FBXO34: variants seen among roughly 807,000 people sequenced by gnomAD.
FBXO34 encodes the protein F-box protein 34, also known as F-box only protein 34.
FBXO34 carries 12 observed loss-of-function variants against 24.5 expected under a neutral mutation model. The ratio of observed to expected loss-of-function variants is 0.49; its 90% CI spans 0.31 to 0.79. The LOEUF is 0.79. Among genes scored for constraint, FBXO34 ranks in the 30% least tolerant of loss-of-function variants. The pLI is 0.04. For missense variants in FBXO34, 823 were observed against 857.7 expected (o/e 0.96, Z 0.51); for synonymous variants, 320 against 311.9 (o/e 1.03, Z -0.27).
chr14:55,299,400 G>C (rs1432915286), intron 1 of FBXO34, among the ~76,000 whole-genome samples: 23 of 124,470 alleles, frequency 1.8e-4, no homozygotes, highest in Non-Finnish European at 2.9e-4. Flanking sequence ...GTGGGGGCGG[G>C]TAGAGGGGGG....
At chr14:55,367,955 G>A (rs1171800364) in exon 3 of FBXO34, 3 of 152,522 alleles carry the variant, frequency 2.0e-5, no homozygotes, top group Non-Finnish European at 4.4e-5. Flanking sequence ...TTATTATGAT[G>A]AGAAAAGAAG....
At chr14:55,432,748 T>C in the FBXO34 span, among the ~76,000 whole-genome samples, 1 of 152,178 alleles carries the variant, frequency 6.6e-6, no homozygotes, top group Non-Finnish European at 1.5e-5. Flanking sequence ...TTGGCACAAC[T>C]TTTCAGGAGG....
chr14:55,435,039 A>C, the FBXO34 span, among the ~76,000 whole-genome samples: 1 of 152,312 alleles, frequency 6.6e-6, no homozygotes, highest in African/African-American at 2.4e-5. Flanking sequence ...CCTTGGCAGG[A>C]TACAAGAAAG....
rs755217620 is a variant in FBXO34 at position 55,293,600 on chromosome 14, C to CTT, written c.-11+22075_-11+22076dup. Among the ~76,000 whole-genome samples the CTT allele has an allele frequency of 4.6e-4, 67 of 144,982 alleles. 1 individual carries two copies. Among genetic ancestry groups the CTT allele is most frequent in the African/African-American group, 1.7e-3 (67 of 39,946 alleles). On this transcript the variant is annotated intron_variant, in intron 1 of 1. Coordinates refer to ENST00000313833, the MANE Select transcript of FBXO34 (RefSeq NM_017943.4). ...GAGGTAAGATTTCTGTAAATCTCTGCTTTTTTTTTTTTTAAATCAATGAAG... is the reference window on the plus strand; with the variant it reads ...GAGGTAAGATTTCTGTAAATCTCTGCTTTTTTTTTTTTTTTAAATCAATGAAG...
At chr14:55,292,997 C>T (rs1032068174) in intron 1 of FBXO34, among the ~76,000 whole-genome samples, 2 of 152,198 alleles carry the variant, frequency 1.3e-5, no homozygotes, top group African/African-American at 4.8e-5. Context: ...GTTCTCCTCC[C>T]TCAGCCTCTC....
chr14:55,430,684 A>G, the FBXO34 span, among the ~76,000 whole-genome samples: 1 of 152,186 alleles, frequency 6.6e-6, no homozygotes, highest in Non-Finnish European at 1.5e-5. Flanking sequence ...GGTGTGAGCC[A>G]CTGCACATGG....
the FBXO34 span, chr14:55,437,010 A>AAAAC: frequency 6.2e-7 from 1 of 1,613,798 alleles, no homozygotes; most frequent in Non-Finnish European, 8.5e-7. Context: ...TGGGTGGGGC[A>AAAAC]AGGCCATCCT....
the FBXO34 span, chr14:55,429,019 C>T: frequency 6.2e-7 from 1 of 1,600,472 alleles, no homozygotes; most frequent in Non-Finnish European, 8.5e-7. Context: ...ATCGCTACAT[C>T]CTCTCAACTA....
rs10144418 is a variant in FBXO34 at position 55,350,990 on chromosome 14, T to C, written c.600T>C (p.Tyr200=). The change falls in exon 2 of 2, where the codon TAT becomes TAC. Residue 200 remains tyrosine (Y), a synonymous_variant. Transcript: ENST00000313833. ...HYVSDSGDGV[Y]AGRPLSVIQM... ...TGAGTGACAGTGGGGATGGAGTCTA[T>C]GCTGGGAGGCCTCTGTCAGTTATAC... is the stretch of plus-strand genomic sequence containing the variant. The C allele has an allele frequency of 0.4, 649,148 of 1,613,914 alleles. 133,600 individuals are homozygous for C. The highest frequency in any genetic ancestry group is 0.42 in the Non-Finnish European group (493,658 of 1,179,940).
the FBXO34 span, among the ~76,000 whole-genome samples, chr14:55,410,406 T>C: frequency 1.3e-5 from 2 of 152,208 alleles, no homozygotes; most frequent in Admixed American, 1.3e-4. Context: ...CATTTCCATC[T>C]CATACCCCGT....
downstream of FBXO34, chr14:55,369,461 T>C (rs947198137): frequency 5.2e-5 from 35 of 676,146 alleles, no homozygotes; most frequent in African/African-American, 6.1e-4. Context: ...ACTTGGCAAA[T>C]AGAAATGTTT....
chr14:55,414,524 T>G, the FBXO34 span: 13 of 1,117,786 alleles, frequency 1.2e-5, no homozygotes. Flanking sequence ...ACACTAAAAT[T>G]TCATTGTATT....
chr14:55,384,026 A>G, the FBXO34 span, among the ~76,000 whole-genome samples: 1 of 152,184 alleles, frequency 6.6e-6, no homozygotes, highest in Non-Finnish European at 1.5e-5. Flanking sequence ...TACGTATAAG[A>G]TAGCTGCTAC....
chr14:55,387,652 T>G, the FBXO34 span, among the ~76,000 whole-genome samples: 1 of 152,128 alleles, frequency 6.6e-6, no homozygotes, highest in Non-Finnish European at 1.5e-5. Flanking sequence ...GGTATTTGGT[T>G]GCACGCATTA....
downstream of FBXO34, among the ~76,000 whole-genome samples, chr14:55,362,602 T>C (rs1682274583): frequency 6.6e-6 from 1 of 152,346 alleles, no homozygotes; most frequent in South Asian, 2.1e-4. Flanking sequence ...CCAGTACCAG[T>C]GGCCCCTGAA....
chr14:55,324,667 G>A (rs1883281865), intron 1 of FBXO34, among the ~76,000 whole-genome samples: 1 of 151,844 alleles, frequency 6.6e-6, no homozygotes. Context: ...CTCTGTATAG[G>A]ACTGTTTTTA....
Position 55,353,349 on chromosome 14 carries a change from A to G in FBXO34, c.*823A>G, listed in dbSNP as rs967509348. On this transcript the variant is annotated 3_prime_UTR_variant, in exon 2 of 2. Coordinates refer to ENST00000313833, the MANE Select transcript of FBXO34 (RefSeq NM_017943.4). ...AATATGAATGTTTCCCAAATAAACT[A>G]TGAATGTTTCCTGTATAATATATGA... 2.2e-4 allele frequency: 36 copies of G among 167,062 alleles called. No individual in the cohort carries two copies. Among genetic ancestry groups the G allele is most frequent in the African/African-American group, 7.5e-4 (31 of 41,520 alleles). The allele number at this position is 167,062 out of a possible 1,614,324, so 10.3% of individuals were successfully genotyped here. A position where few individuals can be genotyped will look rare whatever the true frequency, so the allele number is the denominator to read the frequency against.
At chr14:55,326,560 ATGTGAGACTTGC>A (rs1883348533) in intron 1 of FBXO34, among the ~76,000 whole-genome samples, 1 of 152,214 alleles carries the variant, frequency 6.6e-6, no homozygotes, top group Non-Finnish European at 1.5e-5. Context: ...ATAGATCAAG[ATGTGAGACTTGC>A]TGTCCAAAAA....
At chr14:55,345,658 C>T (rs1175372672) in intron 1 of FBXO34, among the ~76,000 whole-genome samples, 1 of 152,152 alleles carries the variant, frequency 6.6e-6, no homozygotes. Context: ...CTATGTTTTA[C>T]TCATATTTAT....
Sources: allele counts gnomAD v4.1 joint callset (sites outside exome capture counted in the v4.1 genomes callset), GRCh38; gene constraint gnomAD v4.1.1; transcripts MANE v1.5; gene names NCBI Gene and HGNC (gene_info 2026-07-23, HGNC 2026-07-21).